Variants in TET1 observed in about 807,000 individuals in gnomAD.
TET1 encodes methylcytosine dioxygenase TET1.
Under a neutral mutation model 148.7 loss-of-function variants are expected in TET1, and 13 were observed. The observed-to-expected ratio is 0.09, with a 90% confidence interval of 0.06 to 0.14. The LOEUF is 0.14. Among genes scored for constraint, TET1 ranks in the 10% least tolerant of loss-of-function variants. The pLI, the probability that TET1 is intolerant of heterozygous loss-of-function variation, is 1.00. For missense variants in TET1, 2,182 were observed against 2,553.8 expected, an observed-to-expected ratio of 0.85 and a Z score of 3.14; for synonymous variants, 907 against 937.2, an observed-to-expected ratio of 0.97 and a Z score of 0.59.
intron 2 of TET1, among the ~76,000 whole-genome samples, chr10:68,579,316 AAAATAGAATATTCAGTATCC>A (rs2053766571): frequency 6.6e-6 from 1 of 152,234 alleles, no homozygotes; most frequent in South Asian, 2.1e-4. Context: ...ATGATTACCC[AAAATAGAATATTCAGTATCC>A]TCGCCTCCTT....
At chr10:68,601,357 T>G (rs1310210486) in intron 3 of TET1, among the ~76,000 whole-genome samples, 1 of 152,226 alleles carries the variant, frequency 6.6e-6, no homozygotes, top group Non-Finnish European at 1.5e-5. Flanking sequence ...GTGTGTAAAC[T>G]TAAGCCCTTT....
rs553591899 is a variant in TET1 at position 68,597,030 on chromosome 10, A to ATTTTTTTTTTTTTTTTTTTTTTTTT, written c.1915-3930_1915-3929insTTTTTTTTTTTTTTTTTTTTTTTTT. On this transcript the variant is annotated intron_variant, in intron 2 of 11. Coordinates refer to ENST00000373644, the MANE Select transcript of TET1 (RefSeq NM_030625.3). Reference sequence around the variant, plus strand: ...ATTTTCATGATCACACAGCTAATGGATTTTTTTTTTTTTTTTTTTTTGAGA... The same window carrying ATTTTTTTTTTTTTTTTTTTTTTTTT: ...ATTTTCATGATCACACAGCTAATGGATTTTTTTTTTTTTTTTTTTTTTTTTTTTTTTTTTTTTTTTTTTTTTGAGA... Among the ~76,000 whole-genome samples the ATTTTTTTTTTTTTTTTTTTTTTTTT allele has an allele frequency of 7.4e-4, 73 of 98,874 alleles. 7 individuals carry two copies. The highest frequency in any genetic ancestry group is 1.1e-3 in the African/African-American group (25 of 22,574). 64.9% of individuals were successfully genotyped at this position (98,874 alleles called of 152,430 possible). A position where few individuals can be genotyped will look rare whatever the true frequency, so the allele number is the denominator to read the frequency against.
intron 7 of TET1, among the ~76,000 whole-genome samples, chr10:68,672,661 A>C (rs2055291852): frequency 6.6e-6 from 1 of 152,080 alleles, no homozygotes; most frequent in Admixed American, 6.6e-5. Flanking sequence ...TCTGCTAAAA[A>C]TTTGGTTATA....
intron 6 of TET1, among the ~76,000 whole-genome samples, chr10:68,654,293 T>TA (rs1449890171): frequency 3.3e-5 from 5 of 151,004 alleles, no homozygotes; most frequent in African/African-American, 4.9e-5. Context: ...AAGAGTCCAG[T>TA]AAAAAAAATC....
intron 1 of TET1, among the ~76,000 whole-genome samples, chr10:68,570,476 G>A (rs553311714): frequency 6.6e-6 from 1 of 151,980 alleles, no homozygotes; most frequent in African/African-American, 2.4e-5. Context: ...TGTCTATTAT[G>A]GCCATCTTTA....
At chr10:68,674,996 C>CA (rs1470071122) in intron 8 of TET1, 1 of 400,724 alleles carries the variant, frequency 2.5e-6, no homozygotes, top group Non-Finnish European at 4.6e-6. Context: ...TGGGGAAACT[C>CA]ATGGAGCTTT....
chr10:68,673,935 C>CTTTTTTTTTTTTTTTTTTTTTTTTT (rs11381293), intron 8 of TET1, among the ~76,000 whole-genome samples: 6 of 120,274 alleles, frequency 5.0e-5, no homozygotes, highest in African/African-American at 6.2e-5. Flanking sequence ...CTTTCTTTTT[C>CTTTTTTTTTTTTTTTTTTTTTTTTT]TTTTTTTTTT....
Position 68,646,505 on chromosome 10 carries a change from C to T in TET1, c.3776C>T (p.Pro1259Leu). Residue 1259 changes from proline to leucine, a missense_variant, in exon 4 of 12, where the codon CCA becomes CTA. Coordinates refer to ENST00000373644, the MANE Select transcript of TET1 (RefSeq NM_030625.3). ...ESAEEKVKVE[P>L]LDSLSLFHLK... Reference sequence around the variant, plus strand: ...GCAGAGGAAAAGGTGAAGGTTGAACCATTGGATTCACTCAGCTTATTTCAT... The same window carrying T: ...GCAGAGGAAAAGGTGAAGGTTGAACTATTGGATTCACTCAGCTTATTTCAT... 1 of 1,614,066 alleles carries T rather than the reference C, an allele frequency of 6.2e-7. No homozygotes were observed. The highest frequency in any genetic ancestry group is 8.5e-7 in the Non-Finnish European group (1 of 1,180,006).
At chr10:68,579,945 T>C (rs76113687) in intron 2 of TET1, among the ~76,000 whole-genome samples, 1 of 151,692 alleles carries the variant, frequency 6.6e-6, no homozygotes. Flanking sequence ...TTTTTTTTTT[T>C]CAGATAGAAT....
chr10:68,574,926 A>G (rs377243297), intron 2 of TET1, among the ~76,000 whole-genome samples: 27 of 152,182 alleles, frequency 1.8e-4, no homozygotes, highest in Non-Finnish European at 3.4e-4. Context: ...GTTGATTTAG[A>G]ATTTATTTAA....
chr10:68,665,565 T>G (rs1264481057), intron 6 of TET1, among the ~76,000 whole-genome samples: 1 of 152,158 alleles, frequency 6.6e-6, no homozygotes, highest in Non-Finnish European at 1.5e-5. Context: ...GATGGAAACT[T>G]GGAATATCCA....
chr10:68,639,180 C>T (rs1258937673), intron 3 of TET1, among the ~76,000 whole-genome samples: 2 of 151,394 alleles, frequency 1.3e-5, no homozygotes, highest in South Asian at 2.1e-4. Context: ...CAGAGTTTCA[C>T]TCTGTTGCTC....
intron 1 of TET1, among the ~76,000 whole-genome samples, chr10:68,571,241 C>T (rs981318554): frequency 1.2e-4 from 18 of 151,688 alleles, no homozygotes; most frequent in Admixed American, 3.3e-4. Flanking sequence ...CCACCCACCT[C>T]GGCCTCCCAA....
At position 68,573,099 on chromosome 10, in the gene TET1, A is replaced by T; in HGVS notation, c.761A>T (p.Gln254Leu). ...GACACAGTGTGTGCTCCTTTTCCCC[A>T]AAGAGCAACCCCCAAAGTTACCTCT... ...AQDTVCAPFP[Q>L]RATPKVTSQG... The change falls in exon 2 of 12, where the codon CAA (glutamine) becomes CTA (leucine). Residue 254 changes from glutamine to leucine, a missense_variant. Physicochemically the swap from Gln to Leu is moderately radical, Grantham distance 113. This residue lies in a region of TET1 where 665 missense variants were observed against 672.4 expected (regional missense o/e 0.99). Transcript: ENST00000373644. 6.2e-7 allele frequency: 1 copy of T among 1,614,076 alleles called. No homozygotes were observed. Among genetic ancestry groups the T allele is most frequent in the Middle Eastern group, 1.6e-4 (1 of 6,062 alleles).
chr10:68,646,550 G>T lies in TET1; in HGVS notation c.3821G>T (p.Gly1274Val). The T allele has an allele frequency of 6.2e-7, 1 of 1,614,162 alleles. No homozygotes were observed. Among genetic ancestry groups the T allele is most frequent in the Non-Finnish European group, 8.5e-7 (1 of 1,180,034 alleles). ...TTTCATCTTAAAACGGAATCCAACG[G>T]GAAGGCATTCACTGATAAAGCTTAT... ...SLFHLKTESN[G>V]KAFTDKAYNS... is the part of the protein sequence containing the mutation. Residue 1274 changes from glycine (G) to valine (V), a missense_variant, in exon 4 of 12, where the codon GGG becomes GTG. Gly to Val is a moderately radical substitution (Grantham distance 109, BLOSUM62 -3). Transcript: ENST00000373644.
At chr10:68,567,125 C>T (rs1223312806) in intron 1 of TET1, among the ~76,000 whole-genome samples, 1 of 152,176 alleles carries the variant, frequency 6.6e-6, no homozygotes, top group Non-Finnish European at 1.5e-5. Flanking sequence ...TGTCCCCTGA[C>T]ACTCAAACCA....
chr10:68,643,135 C>T (rs1263806829), intron 3 of TET1, among the ~76,000 whole-genome samples: 1 of 151,346 alleles, frequency 6.6e-6, no homozygotes, highest in African/African-American at 2.4e-5. Context: ...GTGGTATGTG[C>T]CTGTGGTCCC....
chr10:68,639,450 ACTAC>A (rs1184704634), intron 3 of TET1, among the ~76,000 whole-genome samples: 3 of 133,200 alleles, frequency 2.3e-5, no homozygotes, highest in African/African-American at 5.4e-5. Flanking sequence ...TATTATTACT[ACTAC>A]TACTACTACT....
At chr10:68,672,484 T>A in intron 7 of TET1, among the ~76,000 whole-genome samples, 1 of 10,868 alleles carries the variant, frequency 9.2e-5, no homozygotes, top group Non-Finnish European at 1.4e-4. Context: ...CTAGACCCCA[T>A]CTCAAAAAAA....
Sources: allele counts gnomAD v4.1 joint callset (sites outside exome capture counted in the v4.1 genomes callset), GRCh38; gene constraint gnomAD v4.1.1; regional missense constraint gnomAD v4.1.1; transcripts MANE v1.5; gene names NCBI Gene and HGNC (gene_info 2026-07-23, HGNC 2026-07-21).